Variants in PBX1 observed in about 807,000 individuals in gnomAD.
PBX1 encodes PBX homeobox 1.
PBX1 carries 6 observed loss-of-function variants against 53.4 expected under a neutral mutation model. That is an observed-to-expected ratio of 0.11 (90% CI 0.06 to 0.22). The LOEUF (loss-of-function observed/expected upper bound fraction) is 0.22. PBX1 is among the 10% of genes least tolerant of loss of function. The pLI is 1.00. For synonymous variants in PBX1, 204 were observed against 212.3 expected (o/e 0.96, Z 0.34); for missense variants, 251 against 551.4 (o/e 0.46, Z 5.46).
At chr1:164,676,579 T>C (rs898202636) in intron 2 of PBX1, among the ~76,000 whole-genome samples, 2 of 152,162 alleles carry the variant, frequency 1.3e-5, no homozygotes, top group African/African-American at 4.8e-5. Context: ...CAACAGCTTT[T>C]TGGGCACAGA....
At chr1:164,834,824 C>A (rs1319592684) in intron 8 of PBX1, among the ~76,000 whole-genome samples, 1 of 152,186 alleles carries the variant, frequency 6.6e-6, no homozygotes, top group Non-Finnish European at 1.5e-5. Flanking sequence ...ATTGGTTGCT[C>A]TTCTCTAATG....
At chr1:164,739,636 T>C (rs1390085744) in intron 2 of PBX1, among the ~76,000 whole-genome samples, 1 of 152,158 alleles carries the variant, frequency 6.6e-6, no homozygotes, top group Non-Finnish European at 1.5e-5. Context: ...AAAGTTTAGA[T>C]GATTATACTT....
Position 164,753,847 on chromosome 1 carries a change from A to G in PBX1, c.266-38647A>G, listed in dbSNP as rs147496451. Reference sequence around the variant, plus strand: ...CAGTTTCCCAAAGGAATGTGGATAAAGGCTCTCAGTGTTGGAAACGGGAAT... The same window carrying G: ...CAGTTTCCCAAAGGAATGTGGATAAGGGCTCTCAGTGTTGGAAACGGGAAT... On this transcript the variant is annotated intron_variant, in intron 2 of 8. Coordinates refer to ENST00000420696, the MANE Select transcript of PBX1 (RefSeq NM_002585.4). Among the ~76,000 whole-genome samples, 6 of 152,298 alleles carry G rather than the reference A, an allele frequency of 3.9e-5. No homozygotes were observed. The East Asian group carries it at 1.2e-3, about 29-fold the overall frequency.
chr1:164,645,240 C>G (rs1190536114), intron 2 of PBX1, among the ~76,000 whole-genome samples: 1 of 152,144 alleles, frequency 6.6e-6, no homozygotes, highest in African/African-American at 2.4e-5. Context: ...CAGGATTCCC[C>G]CCCTTCTTTT....
intron 2 of PBX1, among the ~76,000 whole-genome samples, chr1:164,748,419 C>A (rs1027838151): frequency 6.6e-6 from 1 of 152,122 alleles, no homozygotes; most frequent in African/African-American, 2.4e-5. Context: ...GCAAATCCTC[C>A]TAATCAATTC....
In PBX1 at chr1:164,847,528, T is replaced by C; in HGVS notation, c.*852T>C. 4.7e-6 allele frequency: 5 copies of C among 1,062,064 alleles called. No individual in the cohort carries two copies. The highest frequency in any genetic ancestry group is 5.7e-6 in the Non-Finnish European group (5 of 877,284). 65.8% of individuals were successfully genotyped at this position (1,062,064 alleles called of 1,614,324 possible). On this transcript the variant is annotated 3_prime_UTR_variant, in exon 9 of 9. Coordinates refer to ENST00000420696, the MANE Select transcript of PBX1 (RefSeq NM_002585.4). ...CAATATTTAGAACCTATTGCAAAAC[T>C]GGGCCTGAGTTAGGCATGGTGATGA...
chr1:164,829,397 A>C (rs1670638677), intron 8 of PBX1: 1 of 152,240 alleles, frequency 6.6e-6, no homozygotes, highest in South Asian at 2.1e-4. Context: ...ATGCTGTCCC[A>C]ATATAACTTT....
chr1:164,570,398 C>T lies in PBX1; in HGVS notation c.265+7087C>T, dbSNP rs139905443. On this transcript the variant is annotated intron_variant, in intron 2 of 8. Transcript: ENST00000420696. ...GACAGGCCCCAGTGTGTGATGTTCC[C>T]CTCCCTGTGTCCATGTGCTCTCATT... is the stretch of plus-strand genomic sequence containing the variant. 7.5e-3 allele frequency among the ~76,000 whole-genome samples: 1,148 copies of T among 152,154 alleles called. 41 individuals are homozygous for T. In the East Asian group the frequency reaches 0.11, roughly 14 times the overall value.
At chr1:164,640,274 T>C (rs1571127269) in intron 2 of PBX1, among the ~76,000 whole-genome samples, 1 of 152,106 alleles carries the variant, frequency 6.6e-6, no homozygotes, top group African/African-American at 2.4e-5. Context: ...GGGATCCAAA[T>C]GGGGGAAGGC....
At chr1:164,776,937 T>TAGTGGG (rs1667687759) in intron 2 of PBX1, among the ~76,000 whole-genome samples, 1 of 26,974 alleles carries the variant, frequency 3.7e-5, no homozygotes, top group Non-Finnish European at 6.8e-5. Flanking sequence ...GTGTGTGTGG[T>TAGTGGG]GGGAGGAGAG....
At chr1:164,690,221 A>G (rs74117982) in intron 2 of PBX1, among the ~76,000 whole-genome samples, 74 of 151,936 alleles carry the variant, frequency 4.9e-4, no homozygotes, top group African/African-American at 1.7e-3. Context: ...CGGATGCAGG[A>G]TGGGGGTGGG....
intron 2 of PBX1, among the ~76,000 whole-genome samples, chr1:164,747,319 G>GTATATA (rs374220820): frequency 1.5e-4 from 23 of 150,218 alleles, no homozygotes; most frequent in South Asian, 6.3e-4. Flanking sequence ...TATGAATCAT[G>GTATATA]TATATATATA....
At chr1:164,878,555 G>C (rs1445821993) in intron 2 of PBX1, among the ~76,000 whole-genome samples, 1 of 152,038 alleles carries the variant, frequency 6.6e-6, no homozygotes, top group African/African-American at 2.4e-5. Context: ...AGAGGTAGTA[G>C]AATCAGGAAT....
intron 2 of PBX1, among the ~76,000 whole-genome samples, chr1:164,656,022 G>T (rs1023987503): frequency 1.3e-5 from 2 of 152,178 alleles, no homozygotes; most frequent in Non-Finnish European, 2.9e-5. Flanking sequence ...TCAATTGCAG[G>T]TGGAGAATGG....
intron 2 of PBX1, among the ~76,000 whole-genome samples, chr1:164,779,845 A>C (rs1316834210): frequency 6.6e-6 from 1 of 152,238 alleles, no homozygotes; most frequent in African/African-American, 2.4e-5. Flanking sequence ...CTTCCAGAGC[A>C]GATATCACAT....
intron 2 of PBX1, among the ~76,000 whole-genome samples, chr1:164,702,284 T>C (rs1345507969): frequency 6.6e-6 from 1 of 152,146 alleles, no homozygotes; most frequent in Non-Finnish European, 1.5e-5. Context: ...AACATTCATG[T>C]AGGGTTTAGT....
chr1:164,821,315 TC>T (rs2102366094), intron 7 of PBX1, among the ~76,000 whole-genome samples: 1 of 112,916 alleles, frequency 8.9e-6, no homozygotes, highest in Admixed American at 7.7e-5. Flanking sequence ...ATCCCAGTTT[TC>T]TTTTACCATT....
intron 2 of PBX1, among the ~76,000 whole-genome samples, chr1:164,869,842 C>T (rs1303245900): frequency 6.6e-6 from 1 of 152,126 alleles, no homozygotes; most frequent in African/African-American, 2.4e-5. Context: ...AGGCTACAAG[C>T]CCTTGGAATT....
intron 2 of PBX1, among the ~76,000 whole-genome samples, chr1:164,575,708 T>G (rs1654174935): frequency 6.6e-6 from 1 of 152,192 alleles, no homozygotes; most frequent in East Asian, 1.9e-4. Context: ...CGTTAATTCC[T>G]TTCTGTAGAA....
Sources: gnomAD v4.1 joint callset for allele counts (sites outside exome capture counted in the v4.1 genomes callset) on GRCh38, gnomAD v4.1.1 for gene constraint, MANE v1.5 for transcripts, NCBI Gene and HGNC (gene_info 2026-07-23, HGNC 2026-07-21) for gene names.